The following NUDT7 variants were observed in gnomAD, a reference collection of about 807,000 sequenced individuals.
The protein encoded by NUDT7 is peroxisomal coenzyme A diphosphatase NUDT7.
In NUDT7, 19 loss-of-function variants were observed where a neutral mutation model predicts 13.1. That is an observed-to-expected ratio of 1.45 (90% CI 1.01 to 2.13). The LOEUF (loss-of-function observed/expected upper bound fraction) is 2.13. Among genes scored for constraint, NUDT7 ranks in the 30% most tolerant of loss-of-function variants. The pLI is 0.00. For synonymous variants in NUDT7, 132 were observed against 109.7 expected (o/e 1.20, Z -1.27); for missense variants, 360 against 291.7 (o/e 1.23, Z -1.71).
At chr16:77,736,436 G>C (rs1188292954) in intron 3 of NUDT7, among the ~76,000 whole-genome samples, 1 of 152,080 alleles carries the variant, frequency 6.6e-6, no homozygotes, top group East Asian at 1.9e-4. Flanking sequence ...ACATACTATA[G>C]AATAAAGCCT....
intron 1 of NUDT7, among the ~76,000 whole-genome samples, chr16:77,723,536 A>G (rs996653050): frequency 2.0e-5 from 3 of 151,718 alleles, no homozygotes; most frequent in Non-Finnish European, 4.4e-5. Context: ...ATCTTCTTAA[A>G]TATCCTCAAG....
chr16:77,727,800 T>G (rs1417162857), intron 2 of NUDT7, among the ~76,000 whole-genome samples: 2 of 152,012 alleles, frequency 1.3e-5, no homozygotes, highest in Non-Finnish European at 2.9e-5. Context: ...GAGGTTGCAT[T>G]GAGCCGAGAT....
rs572672853 is a variant in NUDT7, at chr16:77,724,391, A to G, written c.36-1040A>G. Among the ~76,000 whole-genome samples, 538 of 151,736 alleles carry G rather than the reference A, an allele frequency of 3.5e-3. 1 individual carries two copies. The highest frequency in any genetic ancestry group is 6.5e-3 in the Admixed American group (99 of 15,262). ...ATCCTCCCACTTCCGCCTTCCAAGT[A>G]GCTGGGAATACAGTTGCATGCCCCA... On this transcript the variant is annotated intron_variant, in intron 1 of 3. Transcript: ENST00000268533.
Position 77,742,053 on chromosome 16 carries a change from T to A in NUDT7, c.*103T>A. The A allele has an allele frequency of 6.7e-7, 1 of 1,483,670 alleles. No homozygotes were observed. Among genetic ancestry groups the A allele is most frequent in the African/African-American group, 1.4e-5 (1 of 71,436 alleles). 91.9% of individuals were successfully genotyped at this position (1,483,670 alleles called of 1,614,324 possible). On this transcript the variant is annotated 3_prime_UTR_variant, in exon 4 of 4. Coordinates refer to ENST00000268533, the MANE Select transcript of NUDT7 (RefSeq NM_001105663.3). ...TGTTGGAATTTGACAGGTGTGAATA[T>A]TTTTTCTGCAGTATGTAGTTAGAAT...
chr16:77,736,010 T>C (rs2014473170), intron 3 of NUDT7, 24 bp downstream of exon 3: 2 of 1,611,180 alleles, frequency 1.2e-6, no homozygotes, highest in African/African-American at 1.3e-5. Context: ...GAGACACTCA[T>C]GAGCACCGTC....
At chr16:77,723,048 C>A (rs1238627576) in intron 1 of NUDT7, among the ~76,000 whole-genome samples, 2 of 152,168 alleles carry the variant, frequency 1.3e-5, no homozygotes, top group Non-Finnish European at 2.9e-5. Flanking sequence ...ACTTGCCGGG[C>A]TGTTGTGAGG....
intron 2 of NUDT7, among the ~76,000 whole-genome samples, chr16:77,726,974 G>A (rs1012691845): frequency 5.9e-5 from 9 of 151,860 alleles, no homozygotes; most frequent in African/African-American, 2.2e-4. Flanking sequence ...AGGAGCAAGA[G>A]AGAGAGCAGG....
intron 3 of NUDT7, among the ~76,000 whole-genome samples, chr16:77,741,220 C>A (rs941883892): frequency 1.6e-4 from 24 of 152,064 alleles, no homozygotes; most frequent in African/African-American, 5.8e-4. Flanking sequence ...GAAACTAATT[C>A]TTCAGGTTTA....
intron 2 of NUDT7, among the ~76,000 whole-genome samples, chr16:77,732,714 G>A (rs1360892085): frequency 6.6e-6 from 1 of 152,210 alleles, no homozygotes; most frequent in African/African-American, 2.4e-5. Flanking sequence ...TTGTGCAAGT[G>A]CACCCTGTGT....
In NUDT7 at chr16:77,725,547, G is replaced by A. The variant is rs781449552; in HGVS notation, c.152G>A (p.Gly51Glu). 1.2e-6 allele frequency: 2 copies of A among 1,613,948 alleles called. No individual in the cohort carries two copies. The highest frequency in any genetic ancestry group is 1.7e-6 in the Non-Finnish European group (2 of 1,180,010). ...SVLLPLVAKE[G>E]KLHLLFTVRS... ...CTTTTGCCATTGGTGGCTAAAGAAG[G>A]AAAACTCCATTTGTTGTTCACCGTC... The change falls in exon 2 of 4, where the codon GGA becomes GAA. Residue 51 changes from glycine to glutamate, a missense_variant. Physicochemically the swap from Gly to Glu is moderately conservative, Grantham distance 98. Coordinates refer to ENST00000268533, the MANE Select transcript of NUDT7 (RefSeq NM_001105663.3).
intron 1 of NUDT7, 92 bp from the exon 2 acceptor site, chr16:77,725,339 A>G: frequency 8.3e-7 from 1 of 1,202,152 alleles, no homozygotes; most frequent in Non-Finnish European, 1.2e-6. Context: ...AAACTCCTAA[A>G]TACACAACAA....
intron 3 of NUDT7, 179 bp downstream of exon 3, chr16:77,736,165 G>T (rs888891007): frequency 8.8e-6 from 5 of 565,108 alleles, no homozygotes; most frequent in Middle Eastern, 9.3e-4. Context: ...AACCCCTTTT[G>T]CCTCTCCGGA....
chr16:77,742,146 G>A lies in NUDT7; in HGVS notation c.*196G>A. ...AAAGCCATTCAAAAATGAAAACTAT[G>A]TTCATAGTGTTGCATATTTTCACCC... On this transcript the variant is annotated 3_prime_UTR_variant, in exon 4 of 4. Transcript: ENST00000268533. 7.8e-7 allele frequency: 1 copy of A among 1,275,526 alleles called. No individual in the cohort carries two copies. Among genetic ancestry groups the A allele is most frequent in the Non-Finnish European group, 1.0e-6 (1 of 1,000,396 alleles). The allele number at this position is 1,275,526 out of a possible 1,614,324, so 79.0% of individuals were successfully genotyped here. A position where few individuals can be genotyped will look rare whatever the true frequency, so the allele number is the denominator to read the frequency against.
At chr16:77,735,430 A>G in intron 2 of NUDT7, 4 of 650,324 alleles carry the variant, frequency 6.2e-6, no homozygotes, top group East Asian at 2.7e-5. Flanking sequence ...ACCTTCCGCC[A>G]TGATTGTAAG....
At chr16:77,732,383 T>C (rs1277051728) in intron 2 of NUDT7, among the ~76,000 whole-genome samples, 2 of 151,978 alleles carry the variant, frequency 1.3e-5, no homozygotes, top group East Asian at 3.9e-4. Context: ...CCTAAGTGTC[T>C]AGTATTTATG....
intron 2 of NUDT7, chr16:77,735,485 C>T (rs570753811): frequency 6.2e-4 from 399 of 642,186 alleles, no homozygotes; most frequent in Non-Finnish European, 7.1e-4. Context: ...CAGCATCATG[C>T]TCCCTGTACG....
intron 1 of NUDT7, among the ~76,000 whole-genome samples, chr16:77,724,629 C>G (rs1214171709): frequency 6.6e-6 from 1 of 152,140 alleles, no homozygotes; most frequent in Admixed American, 6.5e-5. Flanking sequence ...TTAATTACAT[C>G]TGAAAAGATC....
At chr16:77,733,983 A>G (rs1027236180) in intron 2 of NUDT7, among the ~76,000 whole-genome samples, 3 of 152,158 alleles carry the variant, frequency 2.0e-5, no homozygotes, top group Non-Finnish European at 4.4e-5. Flanking sequence ...AGACAGAGAT[A>G]AGAAAGGGGG....
At chr16:77,732,729 T>A (rs2014356863) in intron 2 of NUDT7, among the ~76,000 whole-genome samples, 1 of 152,224 alleles carries the variant, frequency 6.6e-6, no homozygotes, top group African/African-American at 2.4e-5. Flanking sequence ...CTGTGTTGTT[T>A]ACACGATGAT....
Sources: gnomAD v4.1 joint callset for allele counts (sites outside exome capture counted in the v4.1 genomes callset) on GRCh38, gnomAD v4.1.1 for gene constraint, MANE v1.5 for transcripts, NCBI Gene and HGNC (gene_info 2026-07-23, HGNC 2026-07-21) for gene names.